The following SLC2A13 variants were observed in gnomAD, a reference collection of about 807,000 sequenced individuals.
SLC2A13 encodes solute carrier family 2 member 13.
Under a neutral mutation model 64.4 loss-of-function variants are expected in SLC2A13, and 32 were observed. That is an observed-to-expected ratio of 0.50 (90% CI 0.37 to 0.67). The LOEUF is 0.67. Among genes scored for constraint, SLC2A13 ranks in the 30% least tolerant of loss-of-function variants. The probability of loss-of-function intolerance (pLI) is 0.00; values close to 1 mark genes in which losing one functional copy is unlikely to be tolerated. For missense variants in SLC2A13, 743 were observed against 829.2 expected, an observed-to-expected ratio of 0.90 and a Z score of 1.28; for synonymous variants, 338 against 327.1, an observed-to-expected ratio of 1.03 and a Z score of -0.36.
At chr12:39,961,370 C>T (rs972489661) in intron 3 of SLC2A13, among the ~76,000 whole-genome samples, 3 of 152,208 alleles carry the variant, frequency 2.0e-5, no homozygotes, top group South Asian at 4.2e-4. Context: ...TGAGCCACCA[C>T]GCCTGGACTA....
intron 7 of SLC2A13, among the ~76,000 whole-genome samples, chr12:39,794,467 G>T (rs533468006): frequency 6.6e-6 from 1 of 152,016 alleles, no homozygotes; most frequent in Non-Finnish European, 1.5e-5. Context: ...TAACTATAAC[G>T]CAATTTGATG....
At chr12:39,854,480 T>C (rs1943552945) in intron 6 of SLC2A13, among the ~76,000 whole-genome samples, 1 of 152,176 alleles carries the variant, frequency 6.6e-6, no homozygotes, top group Non-Finnish European at 1.5e-5. Flanking sequence ...CCCAAACGCC[T>C]TTTCCCTCAT....
chr12:39,913,716 A>G (rs1036867998), intron 4 of SLC2A13, among the ~76,000 whole-genome samples: 2 of 151,896 alleles, frequency 1.3e-5, no homozygotes, highest in Non-Finnish European at 2.9e-5. Context: ...AAGTATACAT[A>G]CATGTGATAT....
chr12:39,945,183 T>A (rs1234991720), intron 4 of SLC2A13, among the ~76,000 whole-genome samples: 1 of 152,216 alleles, frequency 6.6e-6, no homozygotes, highest in Non-Finnish European at 1.5e-5. Flanking sequence ...TGAAGATGGG[T>A]CCTCAATCCT....
At chr12:39,829,368 A>G (rs1942784150) in intron 7 of SLC2A13, 1 of 148,246 alleles carries the variant, frequency 6.7e-6, no homozygotes, top group Non-Finnish European at 1.5e-5. Flanking sequence ...AAGTTCCATA[A>G]AAGAATGTAA....
In SLC2A13 at chr12:39,843,385, C is replaced by T. The variant is rs74086740; in HGVS notation, c.1320-13157G>A. 5.4e-3 allele frequency among the ~76,000 whole-genome samples: 821 copies of T among 152,098 alleles called. 6 individuals are homozygous for T. Among genetic ancestry groups the T allele is most frequent in the African/African-American group, 0.019 (796 of 41,530 alleles). ...GCCTATCTGTCATTAATACTTCTTA[C>T]AGTAGTGATCCAGCCAGCAGAATGA... On this transcript the variant is annotated intron_variant, in intron 6 of 9. Coordinates refer to ENST00000280871, the MANE Select transcript of SLC2A13 (RefSeq NM_052885.4).
intron 2 of SLC2A13, among the ~76,000 whole-genome samples, chr12:40,039,634 C>G (rs1410514991): frequency 6.6e-6 from 1 of 152,156 alleles, no homozygotes; most frequent in Non-Finnish European, 1.5e-5. Context: ...AGAGATACTG[C>G]TTCACAAATA....
chr12:40,041,141 G>A lies in SLC2A13; in HGVS notation c.716+6910C>T, dbSNP rs186551674. ...CTAATTTTATTTTTTTAGTAGAGACGGGGTTTCGCCATCTTGGCCAGGCTG... is the reference window on the plus strand; with the variant it reads ...CTAATTTTATTTTTTTAGTAGAGACAGGGTTTCGCCATCTTGGCCAGGCTG... On this transcript the variant is annotated intron_variant, in intron 2 of 9. Coordinates refer to ENST00000280871, the MANE Select transcript of SLC2A13 (RefSeq NM_052885.4). Among the ~76,000 whole-genome samples the A allele has an allele frequency of 1.5e-3, 227 of 152,142 alleles. 2 individuals carry two copies. Among genetic ancestry groups the A allele is most frequent in the African/African-American group, 5.3e-3 (218 of 41,488 alleles).
rs535443904 is a variant in SLC2A13 at position 39,945,918 on chromosome 12, G to T, written c.1034+5339C>A. On this transcript the variant is annotated intron_variant, in intron 4 of 9. Coordinates refer to ENST00000280871, the MANE Select transcript of SLC2A13 (RefSeq NM_052885.4). ...AATTAGCGTGATTTTTTGTGGGGGG[G>T]TGTTGAAGAGCCTTGTTTTGTCATA... Among the ~76,000 whole-genome samples the T allele has an allele frequency of 1.5e-4, 22 of 151,692 alleles. No homozygotes were observed. The East Asian group carries it at 2.9e-3, about 20-fold the overall frequency.
At chr12:39,891,895 T>C (rs1220341593) in intron 4 of SLC2A13, among the ~76,000 whole-genome samples, 1 of 152,182 alleles carries the variant, frequency 6.6e-6, no homozygotes, top group Non-Finnish European at 1.5e-5. Context: ...TATTATTAGT[T>C]GTCTATGGTT....
intron 3 of SLC2A13, among the ~76,000 whole-genome samples, chr12:39,972,756 T>C (rs936935116): frequency 6.6e-6 from 1 of 152,070 alleles, no homozygotes; most frequent in African/African-American, 2.4e-5. Context: ...CCCTGATTTA[T>C]AGAAAAGCTA....
intron 1 of SLC2A13, among the ~76,000 whole-genome samples, chr12:40,080,082 G>A (rs1249464460): frequency 6.6e-6 from 1 of 152,138 alleles, no homozygotes; most frequent in Admixed American, 6.5e-5. Flanking sequence ...GGCTGGTCTT[G>A]AACTTCTGAC....
chr12:39,839,150 T>C (rs1465118052), intron 6 of SLC2A13, among the ~76,000 whole-genome samples: 1 of 152,148 alleles, frequency 6.6e-6, no homozygotes, highest in Non-Finnish European at 1.5e-5. Context: ...CTCACCAGCT[T>C]CAGCAGGTGA....
chr12:39,843,116 G>T (rs2135878370), intron 6 of SLC2A13, among the ~76,000 whole-genome samples: 1 of 152,038 alleles, frequency 6.6e-6, no homozygotes, highest in African/African-American at 2.4e-5. Flanking sequence ...CGTGCTTTCA[G>T]TTCTCTTGGG....
At position 39,830,237 on chromosome 12, in the gene SLC2A13, T is replaced by C; in HGVS notation, c.1320-9A>G. 6.2e-7 allele frequency: 1 copy of C among 1,610,972 alleles called. No individual in the cohort carries two copies. The highest frequency in any genetic ancestry group is 8.5e-7 in the Non-Finnish European group (1 of 1,178,162). On this transcript the variant is annotated splice_polypyrimidine_tract_variant and intron_variant, in intron 6 of 9. Transcript: ENST00000280871. ...TACATTCATTACAGTAACTGAAAAA[T>C]GAAAAGAGTTACCGTCATGTTGGCA...
chr12:40,104,687 A>T (rs564138847), intron 1 of SLC2A13, among the ~76,000 whole-genome samples: 2 of 152,254 alleles, frequency 1.3e-5, no homozygotes, highest in South Asian at 2.1e-4. Flanking sequence ...AAGCAAAAGG[A>T]GATGCCATCT....
intron 3 of SLC2A13, among the ~76,000 whole-genome samples, chr12:39,971,984 A>C (rs1591964404): frequency 1.8e-5 from 1 of 54,254 alleles, no homozygotes; most frequent in African/African-American, 6.5e-5. Flanking sequence ...GTGTCTCCAG[A>C]AAAAAAAAAA....
In SLC2A13 at chr12:39,764,544, C is replaced by A. The variant is rs768413141; in HGVS notation, c.1636G>T (p.Ala546Ser). The A allele has an allele frequency of 1.8e-5, 29 of 1,611,878 alleles. No individual in the cohort carries two copies. Among genetic ancestry groups the A allele is most frequent in the Admixed American group, 5.0e-5 (3 of 59,664 alleles). ...YPLWARSTGN[A>S]CSSGINWIFN... ...ATCCAGTTTATTCCAGATGAACATG[C>A]ATTTCCTGTACTTCTTGCCCAAAGG... The change falls in exon 9 of 10, where the codon GCA (alanine) becomes TCA (serine). Residue 546 changes from alanine to serine, a missense_variant. This residue lies in a region of SLC2A13 where 295 missense variants were observed against 381.7 expected (regional missense o/e 0.77). Transcript: ENST00000280871.
Position 39,895,551 on chromosome 12 carries a change from T to TATATACAC in SLC2A13, c.1035-23591_1035-23590insGTGTATAT, listed in dbSNP as rs1246193316. Among the ~76,000 whole-genome samples, 44 of 66,760 alleles carry TATATACAC rather than the reference T, an allele frequency of 6.6e-4. 6 individuals carry two copies. Among genetic ancestry groups the TATATACAC allele is most frequent in the African/African-American group, 2.7e-3 (44 of 16,018 alleles). 43.8% of individuals were successfully genotyped at this position (66,760 alleles called of 152,430 possible). A position where few individuals can be genotyped will look rare whatever the true frequency, so the allele number is the denominator to read the frequency against. On this transcript the variant is annotated intron_variant, in intron 4 of 9. Coordinates refer to ENST00000280871, the MANE Select transcript of SLC2A13 (RefSeq NM_052885.4). ...ATATATATATATATATATATATATA[T>TATATACAC]ACACACACACACACACGTGTATATG... is the stretch of plus-strand genomic sequence containing the variant.
Sources: allele counts gnomAD v4.1 joint callset (sites outside exome capture counted in the v4.1 genomes callset), GRCh38; gene constraint gnomAD v4.1.1; regional missense constraint gnomAD v4.1.1; transcripts MANE v1.5; gene names NCBI Gene and HGNC (gene_info 2026-07-23, HGNC 2026-07-21).